GRIN2A: variants seen among roughly 807,000 people sequenced by gnomAD.
GRIN2A encodes glutamate ionotropic receptor NMDA type subunit 2A.
Under a neutral mutation model 113.4 loss-of-function variants are expected in GRIN2A, and 22 were observed. The observed-to-expected ratio is 0.19, with a 90% CI of 0.14 to 0.28. GRIN2A has a LOEUF of 0.28. GRIN2A is among the 10% of genes least tolerant of loss of function. The probability of loss-of-function intolerance (pLI) is 1.00; values close to 1 mark genes in which losing one functional copy is unlikely to be tolerated. For synonymous variants in GRIN2A, 827 were observed against 738.4 expected, an observed-to-expected ratio of 1.12 and a Z score of -1.94; for missense variants, 1,502 against 1,887.0, an observed-to-expected ratio of 0.80 and a Z score of 3.78.
intron 11 of GRIN2A, among the ~76,000 whole-genome samples, chr16:9,775,772 A>C (rs1000809344): frequency 5.3e-5 from 8 of 152,198 alleles, no homozygotes; most frequent in African/African-American, 1.9e-4. Context: ...TAGTGGACCC[A>C]AGGTTCTTCA....
chr16:9,790,694 ATC>A (rs887282239), intron 11 of GRIN2A, among the ~76,000 whole-genome samples: 1 of 152,140 alleles, frequency 6.6e-6, no homozygotes, highest in African/African-American at 2.4e-5. Flanking sequence ...ACCTCCTTGC[ATC>A]TCTCTCTCTA....
intron 4 of GRIN2A, among the ~76,000 whole-genome samples, chr16:9,884,843 G>T (rs1377108242): frequency 6.7e-6 from 1 of 149,938 alleles, no homozygotes; most frequent in Non-Finnish European, 1.5e-5. Context: ...TCCGCCTCCT[G>T]GGTTCACGCC....
At chr16:10,026,854 A>C (rs566684898) in intron 2 of GRIN2A, among the ~76,000 whole-genome samples, 21 of 152,136 alleles carry the variant, frequency 1.4e-4, no homozygotes, top group Non-Finnish European at 2.4e-4. Context: ...GAACCTCAGG[A>C]AGAACTGCAC....
At position 9,759,919 on chromosome 16, in the gene GRIN2A, C is replaced by G. The variant is rs1047897917; in HGVS notation, c.*3230G>C. 1.3e-5 allele frequency: 3 copies of G among 230,928 alleles called. No homozygotes were observed. The highest frequency in any genetic ancestry group is 6.6e-5 in the African/African-American group (3 of 45,146). 14.3% of individuals were successfully genotyped at this position (230,928 alleles called of 1,614,324 possible). ...TACAGTTTATGCTCTAGAAGACTCT[C>G]TTACCCAGAGTATTTTAAATTGGTT... On this transcript the variant is annotated 3_prime_UTR_variant, in exon 13 of 13. Coordinates refer to ENST00000330684, the MANE Select transcript of GRIN2A (RefSeq NM_001134407.3).
chr16:10,161,702 G>A (rs2049812777), intron 2 of GRIN2A, among the ~76,000 whole-genome samples: 1 of 152,144 alleles, frequency 6.6e-6, no homozygotes, highest in Non-Finnish European at 1.5e-5. Context: ...GAGGTCCAAA[G>A]TCTGAAGTGG....
intron 11 of GRIN2A, among the ~76,000 whole-genome samples, chr16:9,772,481 C>G (rs1288335127): frequency 7.2e-5 from 11 of 152,204 alleles, no homozygotes; most frequent in Admixed American, 7.2e-4. Context: ...AGGTGATCCT[C>G]CCACCTCAGC....
chr16:10,135,171 A>T (rs2049166060), intron 2 of GRIN2A, among the ~76,000 whole-genome samples: 1 of 152,230 alleles, frequency 6.6e-6, no homozygotes. Flanking sequence ...CATTGCTTGC[A>T]AGTTCAGATT....
chr16:9,912,132 T>C (rs987327172), intron 3 of GRIN2A, among the ~76,000 whole-genome samples: 3 of 151,806 alleles, frequency 2.0e-5, no homozygotes, highest in African/African-American at 7.3e-5. Flanking sequence ...GTGATGGTAA[T>C]GACGATGACG....
At chr16:9,831,801 C>A (rs1951106895) in intron 8 of GRIN2A, among the ~76,000 whole-genome samples, 1 of 152,112 alleles carries the variant, frequency 6.6e-6, no homozygotes, top group African/African-American at 2.4e-5. Context: ...CAGGCATGAG[C>A]CACCGTGCCT....
intron 2 of GRIN2A, among the ~76,000 whole-genome samples, chr16:10,024,031 T>G (rs770339551): frequency 6.6e-6 from 1 of 152,324 alleles, no homozygotes; most frequent in South Asian, 2.1e-4. Flanking sequence ...CGAGGTCATA[T>G]AGCTTGTCCT....
chr16:10,018,856 G>C (rs537070568), intron 2 of GRIN2A, among the ~76,000 whole-genome samples: 1 of 152,278 alleles, frequency 6.6e-6, no homozygotes, highest in South Asian at 2.1e-4. Context: ...TCATAAGCAA[G>C]AATGCCCCAG....
rs1176115385 is a variant in GRIN2A at position 9,798,315 on chromosome 16, C to T, written c.2318G>A (p.Arg773Lys). 6.2e-7 allele frequency: 1 copy of T among 1,614,114 alleles called. No individual in the cohort carries two copies. The highest frequency in any genetic ancestry group is 8.5e-7 in the Non-Finnish European group (1 of 1,179,996). The change falls in exon 11 of 13, where the codon AGG becomes AAG. Residue 773 changes from arginine (R) to lysine (K), a missense_variant. This residue lies in a region of GRIN2A where 101 missense variants were observed against 240.4 expected (regional missense o/e 0.42). Coordinates refer to ENST00000330684, the MANE Select transcript of GRIN2A (RefSeq NM_001134407.3). ...CTGAAGCAAGGCCAGGTCGATCTGC[C>T]TCTTCCAAGGAGAGCCTTTCTGAAG... ...IALQKGSPWK[R>K]QIDLALLQFV... is the part of the protein sequence containing the mutation.
chr16:9,841,001 A>G lies in GRIN2A; in HGVS notation c.1432T>C (p.Tyr478His), dbSNP rs1421390977. 6.2e-7 allele frequency: 1 copy of G among 1,613,554 alleles called. No individual in the cohort carries two copies. Among genetic ancestry groups the G allele is most frequent in the Admixed American group, 1.7e-5 (1 of 60,022 alleles). ...SRTVKFTYDL[Y>H]LVTNGKHGKK... is the part of the protein sequence containing the mutation. ...CCATGCTTCCCATTGGTCACCAGAT[A>G]GAGGTCGTAAGTAAACTTCACAGTT... The change falls in exon 6 of 13, where the codon TAT becomes CAT. Residue 478 changes from tyrosine to histidine, a missense_variant. Tyr to His is a moderately conservative substitution (Grantham distance 83, BLOSUM62 2). Coordinates refer to ENST00000330684, the MANE Select transcript of GRIN2A (RefSeq NM_001134407.3).
At chr16:10,050,957 C>G (rs543512904) in intron 2 of GRIN2A, among the ~76,000 whole-genome samples, 59 of 152,234 alleles carry the variant, frequency 3.9e-4, no homozygotes, top group African/African-American at 1.3e-3. Context: ...CTAAGAAGTT[C>G]ATGGTAATTT....
chr16:9,784,871 C>A (rs1233812573), intron 11 of GRIN2A, among the ~76,000 whole-genome samples: 1 of 152,182 alleles, frequency 6.6e-6, no homozygotes, highest in Non-Finnish European at 1.5e-5. Context: ...CAGAGAAATG[C>A]AAATCAAAAC....
intron 4 of GRIN2A, among the ~76,000 whole-genome samples, chr16:9,874,639 G>T (rs569621074): frequency 6.6e-6 from 1 of 152,304 alleles, no homozygotes; most frequent in African/African-American, 2.4e-5. Flanking sequence ...AATGGACTTT[G>T]CAGTCTAGCA....
intron 2 of GRIN2A, among the ~76,000 whole-genome samples, chr16:9,996,683 T>C (rs889580383): frequency 2.0e-5 from 3 of 152,168 alleles, no homozygotes; most frequent in African/African-American, 7.2e-5. Context: ...TTTCTGTCTT[T>C]CCCAATACAC....
intron 2 of GRIN2A, chr16:10,031,709 C>T (rs987876497): frequency 1.3e-5 from 2 of 152,282 alleles, no homozygotes; most frequent in Non-Finnish European, 2.9e-5. Context: ...TCATGTTCAC[C>T]ACCATCCACC....
At position 9,769,064 on chromosome 16, in the gene GRIN2A, C is replaced by G. The variant is rs1314993440; in HGVS notation, c.2382G>C (p.Leu794=). 6.2e-7 allele frequency: 1 copy of G among 1,613,996 alleles called. No individual in the cohort carries two copies. The highest frequency in any genetic ancestry group is 2.2e-5 in the East Asian group (1 of 44,890). ...GDGEMEELET[L]WLTGICHNEK... is the part of the protein sequence containing the mutation. The stretch of plus-strand genomic sequence containing the variant: ...CGTTGTGGCAGATCCCAGTGAGCCA[C>G]AGGGTCTCCAGCTCCTCCATCTCAC... The change falls in exon 12 of 13, where the codon CTG becomes CTC. Residue 794 remains leucine (L), a synonymous_variant. Transcript: ENST00000330684.
Sources: gnomAD v4.1 joint callset for allele counts (sites outside exome capture counted in the v4.1 genomes callset) on GRCh38, gnomAD v4.1.1 for gene constraint, gnomAD v4.1.1 regional missense constraint, MANE v1.5 for transcripts, NCBI Gene and HGNC (gene_info 2026-07-23, HGNC 2026-07-21) for gene names.